The following ACAT2 variants were observed in gnomAD, a reference collection of about 807,000 sequenced individuals.
ACAT2 encodes the protein acetyl-CoA acetyltransferase 2.
ACAT2 carries 26 observed loss-of-function variants against 37.1 expected under a neutral mutation model. The observed-to-expected ratio is 0.70, with a 90% confidence interval of 0.51 to 0.97. The LOEUF (loss-of-function observed/expected upper bound fraction) is 0.97. ACAT2 is among the 50% of genes least tolerant of loss of function. ACAT2 has a pLI of 0.00. For missense variants in ACAT2, 468 were observed against 489.0 expected (o/e 0.96, Z 0.40); for synonymous variants, 156 against 163.6 (o/e 0.95, Z 0.35).
chr6:159,770,172 A>C (rs1400863437), intron 4 of ACAT2, among the ~76,000 whole-genome samples: 1 of 152,246 alleles, frequency 6.6e-6, no homozygotes, highest in Non-Finnish European at 1.5e-5. Context: ...TTGTGGAAAC[A>C]AAACTCAATA....
chr6:159,766,441 G>A (rs1278800811), intron 2 of ACAT2, among the ~76,000 whole-genome samples: 1 of 150,250 alleles, frequency 6.7e-6, no homozygotes, highest in South Asian at 2.1e-4. Flanking sequence ...CGCCCTTGTT[G>A]CCCAGGCTGG....
At position 159,778,764 on chromosome 6, in the gene ACAT2, C is replaced by T. The variant is rs749540167; in HGVS notation, c.1129C>T (p.Arg377Cys). 1.5e-5 allele frequency: 24 copies of T among 1,614,164 alleles called. No individual in the cohort carries two copies. The highest frequency in any genetic ancestry group is 4.5e-5 in the East Asian group (2 of 44,886). The change falls in exon 9 of 9, where the codon CGT becomes TGT. Residue 377 changes from arginine (R) to cysteine (C), a missense_variant. Arg to Cys is a radical substitution (Grantham distance 180). Coordinates refer to ENST00000367048, the MANE Select transcript of ACAT2 (RefSeq NM_005891.3). Reference protein sequence around the residue: ...LHTLERMGRSRGVAALCIGGG... With the variant: ...LHTLERMGRSCGVAALCIGGG... ...CACACTGGAGAGAATGGGCAGAAGT[C>T]GTGGTGTTGCAGCCCTGTGCATTGG...
chr6:159,778,245 G>A lies in ACAT2; in HGVS notation c.988G>A (p.Ala330Thr), dbSNP rs991503106. ...INEAFAAVSA[A>T]IVKELGLNPE... ...TGAAGCCTTTGCAGCTGTCTCTGCT[G>A]CAATAGTTAAAGAACTTGGATTAAA... is the stretch of plus-strand genomic sequence containing the variant. Residue 330 changes from alanine (A) to threonine (T), a missense_variant, in exon 8 of 9, where the codon GCA becomes ACA. Ala to Thr is a moderately conservative substitution (Grantham distance 58). Transcript: ENST00000367048. 1.2e-6 allele frequency: 2 copies of A among 1,611,308 alleles called. No homozygotes were observed. Among genetic ancestry groups the A allele is most frequent in the African/African-American group, 2.7e-5 (2 of 74,838 alleles).
intron 2 of ACAT2, 90 bp downstream of exon 2, chr6:159,763,143 C>G (rs751508073): frequency 7.4e-6 from 11 of 1,491,538 alleles, no homozygotes; most frequent in South Asian, 1.3e-5. Flanking sequence ...CACTCACACA[C>G]TCTCTCACTC....
At chr6:159,772,841 G>C (rs964295217) in intron 4 of ACAT2, among the ~76,000 whole-genome samples, 4 of 151,948 alleles carry the variant, frequency 2.6e-5, no homozygotes. Flanking sequence ...AAAACAGCTT[G>C]ATAAGTAAAG....
At chr6:159,773,789 G>A (rs566291481) in intron 4 of ACAT2, among the ~76,000 whole-genome samples, 1 of 152,286 alleles carries the variant, frequency 6.6e-6, no homozygotes, top group South Asian at 2.1e-4. Context: ...AAATGAAAAT[G>A]TATGAGTCCA....
chr6:159,767,866 A>T (rs1780279332), intron 3 of ACAT2, among the ~76,000 whole-genome samples: 1 of 152,198 alleles, frequency 6.6e-6, no homozygotes, highest in African/African-American at 2.4e-5. Flanking sequence ...TGATACTGAC[A>T]TCTGTGTAGT....
At chr6:159,765,619 G>C (rs11758661) in intron 2 of ACAT2, among the ~76,000 whole-genome samples, 7 of 150,128 alleles carry the variant, frequency 4.7e-5, no homozygotes, top group African/African-American at 1.5e-4. Context: ...TAGTAGAGAG[G>C]GGGGGTTTCA....
chr6:159,766,755 C>A (rs1328164166), intron 2 of ACAT2, among the ~76,000 whole-genome samples: 1 of 152,118 alleles, frequency 6.6e-6, no homozygotes. Context: ...GTATTAATGA[C>A]TTATTTATGG....
At chr6:159,764,023 C>A (rs905597845) in intron 2 of ACAT2, among the ~76,000 whole-genome samples, 1 of 150,928 alleles carries the variant, frequency 6.6e-6, no homozygotes, top group African/African-American at 2.4e-5. Context: ...ATGGCGTGAA[C>A]CCGGGAGGCG....
chr6:159,772,021 T>G (rs1242336287), intron 4 of ACAT2, among the ~76,000 whole-genome samples: 1 of 152,084 alleles, frequency 6.6e-6, no homozygotes, highest in Admixed American at 6.5e-5. Flanking sequence ...GTCAGGAGAT[T>G]GAGACCATCC....
chr6:159,777,165 A>C, intron 6 of ACAT2, 137 bp from the exon 7 acceptor site: 1 of 986,234 alleles, frequency 1.0e-6, no homozygotes, highest in Non-Finnish European at 1.5e-6. Flanking sequence ...TTTCTATGTA[A>C]AGTCTGTTGA....
At position 159,778,759 on chromosome 6, in the gene ACAT2, G is replaced by A; in HGVS notation, c.1124G>A (p.Arg375Lys). 6.2e-7 allele frequency: 1 copy of A among 1,614,248 alleles called. No homozygotes were observed. Among genetic ancestry groups the A allele is most frequent in the East Asian group, 2.2e-5 (1 of 44,884 alleles). Reference protein sequence around the residue: ...TLLHTLERMGRSRGVAALCIG... With the variant: ...TLLHTLERMGKSRGVAALCIG... ...TTACACACACTGGAGAGAATGGGCA[G>A]AAGTCGTGGTGTTGCAGCCCTGTGC... Residue 375 changes from arginine (R) to lysine (K), a missense_variant, in exon 9 of 9, where the codon AGA (arginine) becomes AAA (lysine). Transcript: ENST00000367048.
intron 1 of ACAT2, chr6:159,762,673 T>C (rs765904359): frequency 6.8e-7 from 1 of 1,480,004 alleles, no homozygotes; most frequent in Non-Finnish European, 9.0e-7. Context: ...TTTGGGGAAA[T>C]AGAAGGGCTA....
At chr6:159,764,532 C>G (rs774342530) in intron 2 of ACAT2, among the ~76,000 whole-genome samples, 1 of 152,124 alleles carries the variant, frequency 6.6e-6, no homozygotes, top group Non-Finnish European at 1.5e-5. Flanking sequence ...TAACCTCAAA[C>G]TCCTGGGCTC....
At chr6:159,762,719 TCCAGCC>T in intron 1 of ACAT2, 194 bp from the exon 2 acceptor site, 1 of 1,534,184 alleles carries the variant, frequency 6.5e-7, no homozygotes, top group Non-Finnish European at 8.7e-7. Flanking sequence ...AGGTCGCCTG[TCCAGCC>T]CTCGGCTGCT....
chr6:159,778,060 A>AAGTAGC, intron 7 of ACAT2, 110 bp from the exon 8 acceptor site: 2 of 704,036 alleles, frequency 2.8e-6, no homozygotes, highest in Non-Finnish European at 4.7e-6. Flanking sequence ...GAACAAACCA[A>AAGTAGC]AGTAGCAGTT....
At chr6:159,773,119 G>A (rs1471258143) in intron 4 of ACAT2, among the ~76,000 whole-genome samples, 1 of 152,152 alleles carries the variant, frequency 6.6e-6, no homozygotes, top group Non-Finnish European at 1.5e-5. Context: ...CTCCCAAAGT[G>A]CTGGGATTAC....
intron 4 of ACAT2, among the ~76,000 whole-genome samples, chr6:159,772,175 A>T (rs1780348383): frequency 6.6e-6 from 1 of 152,108 alleles, no homozygotes. Flanking sequence ...CAGTAAGCTG[A>T]GATATTGCAC....
Sources: allele counts gnomAD v4.1 joint callset (sites outside exome capture counted in the v4.1 genomes callset), GRCh38; gene constraint gnomAD v4.1.1; transcripts MANE v1.5; gene names NCBI Gene and HGNC (gene_info 2026-07-23, HGNC 2026-07-21).